The following SOS1 variants were observed in gnomAD, a reference collection of about 807,000 sequenced individuals.
The protein encoded by SOS1 is son of sevenless homolog 1.
Under a neutral mutation model 157.6 loss-of-function variants are expected in SOS1, and 25 were observed. The ratio of observed to expected loss-of-function variants is 0.16; its 90% CI spans 0.12 to 0.22. The LOEUF (loss-of-function observed/expected upper bound fraction) is 0.22, where lower values mean the gene tolerates loss of function less well. SOS1 is among the 10% of genes least tolerant of loss of function. The pLI is 1.00. For synonymous variants in SOS1, 528 were observed against 534.0 expected (o/e 0.99, Z 0.16); for missense variants, 1,237 against 1,599.1 (o/e 0.77, Z 3.86).
chr2:39,012,099 T>G, intron 14 of SOS1, 27 bp downstream of exon 14: 1 of 1,499,746 alleles, frequency 6.7e-7, no homozygotes, highest in Non-Finnish European at 9.3e-7. Flanking sequence ...TGAAATGACT[T>G]TTCAACTTGA....
intron 1 of SOS1, among the ~76,000 whole-genome samples, chr2:39,078,528 G>C (rs1253680025): frequency 1.3e-5 from 2 of 152,146 alleles, no homozygotes; most frequent in African/African-American, 4.8e-5. Context: ...CACAGAGCAG[G>C]TGAGCAGCCT....
chr2:39,059,011 T>C (rs1671310060), intron 2 of SOS1, among the ~76,000 whole-genome samples: 1 of 152,064 alleles, frequency 6.6e-6, no homozygotes, highest in African/African-American at 2.4e-5. Flanking sequence ...AAACATTCTT[T>C]CTATTATCTA....
In SOS1 at chr2:39,072,226, G is replaced by C. The variant is rs79171819; in HGVS notation, c.88-4473C>G. On this transcript the variant is annotated intron_variant, in intron 1 of 22. Transcript: ENST00000402219. ...TTGACTTATAATTACATGTTCCCTT[G>C]TCTGTTTCCTTTTTTGGATAGTGAT... Among the ~76,000 whole-genome samples, 471 of 152,144 alleles carry C rather than the reference G, an allele frequency of 3.1e-3. 2 individuals carry two copies. The highest frequency in any genetic ancestry group is 0.01 in the African/African-American group (428 of 41,502).
In SOS1 at chr2:38,986,153, C is replaced by T; in HGVS notation, c.3673G>A (p.Val1225Ile). The change falls in exon 23 of 23, where the codon GTT (valine) becomes ATT (isoleucine). Residue 1225 changes from valine (V) to isoleucine (I), a missense_variant. Transcript: ENST00000402219. ...PPREPVRTPD[V>I]FSSSPLHLQP... ...AGATGTAGTGGTGAGCTTGAGAAAA[C>T]ATCAGGTGTCCTCACAGGTTCTCGT... The T allele has an allele frequency of 6.2e-7, 1 of 1,613,810 alleles. No homozygotes were observed. The highest frequency in any genetic ancestry group is 8.5e-7 in the Non-Finnish European group (1 of 1,179,876).
chr2:39,049,318 A>G (rs555112019), intron 6 of SOS1, among the ~76,000 whole-genome samples: 1 of 152,234 alleles, frequency 6.6e-6, no homozygotes, highest in East Asian at 1.9e-4. Context: ...TACTAATTTT[A>G]TCCTTGAACT....
intron 1 of SOS1, among the ~76,000 whole-genome samples, chr2:39,118,156 C>T (rs1673724917): frequency 6.6e-6 from 1 of 152,126 alleles, no homozygotes; most frequent in African/African-American, 2.4e-5. Context: ...CAACTCAGCC[C>T]TGATGATTTG....
At chr2:39,106,826 C>T (rs1274281545) in intron 1 of SOS1, among the ~76,000 whole-genome samples, 3 of 152,196 alleles carry the variant, frequency 2.0e-5, no homozygotes, top group African/African-American at 7.2e-5. Context: ...CATGGTTGGA[C>T]TATTCACGAA....
intron 8 of SOS1, among the ~76,000 whole-genome samples, chr2:39,027,746 A>G (rs1670012161): frequency 6.6e-6 from 1 of 152,192 alleles, no homozygotes; most frequent in South Asian, 2.1e-4. Flanking sequence ...AGTTTATTTG[A>G]ATAGTTTTAA....
chr2:38,996,404 T>C (rs1032123048), intron 19 of SOS1, among the ~76,000 whole-genome samples: 6 of 152,194 alleles, frequency 3.9e-5, no homozygotes, highest in Admixed American at 1.3e-4. Context: ...TTTGACTTTT[T>C]TATGAACAAG....
chr2:39,026,729 A>C (rs762586309), intron 8 of SOS1, among the ~76,000 whole-genome samples: 1 of 152,234 alleles, frequency 6.6e-6, no homozygotes, highest in Non-Finnish European at 1.5e-5. Context: ...TTAGTCTTTA[A>C]AGCAGCAGAT....
chr2:39,042,712 ATTTTTT>A (rs200188697), intron 6 of SOS1, among the ~76,000 whole-genome samples: 4 of 132,638 alleles, frequency 3.0e-5, no homozygotes, highest in Admixed American at 7.6e-5. Context: ...TAATTTTATG[ATTTTTT>A]TTTTTTTTTT....
At chr2:39,040,061 G>A (rs1191723595) in intron 6 of SOS1, among the ~76,000 whole-genome samples, 2 of 151,798 alleles carry the variant, frequency 1.3e-5, no homozygotes, top group African/African-American at 4.8e-5. Context: ...GCCCAGGCTG[G>A]AGTGCAGTGG....
At chr2:39,011,585 A>G (rs1669475912) in intron 14 of SOS1, among the ~76,000 whole-genome samples, 1 of 152,160 alleles carries the variant, frequency 6.6e-6, no homozygotes, top group Admixed American at 6.5e-5. Context: ...AAAAGTGAAT[A>G]ATTTAAGATT....
At chr2:39,067,921 C>A (rs1057072545) in intron 1 of SOS1, among the ~76,000 whole-genome samples, 168 bp from the exon 2 acceptor site, 2 of 152,148 alleles carry the variant, frequency 1.3e-5, no homozygotes, top group Non-Finnish European at 2.9e-5. Flanking sequence ...GAGTTTGAGA[C>A]CACCCTGGCC....
chr2:38,987,463 C>T lies in SOS1; in HGVS notation c.3510+10G>A. On this transcript the variant is annotated intron_variant, in intron 22 of 22. Transcript: ENST00000402219. The stretch of plus-strand genomic sequence containing the variant: ...TTCCAATTTCTACACAACAAGATTT[C>T]TTACTTTACCTTAGATGGTGAAGAT... 1 of 1,380,226 alleles carries T rather than the reference C, an allele frequency of 7.2e-7. No individual in the cohort carries two copies. The highest frequency in any genetic ancestry group is 1.0e-6 in the Non-Finnish European group (1 of 971,470). The allele number at this position is 1,380,226 out of a possible 1,614,324, so 85.5% of individuals were successfully genotyped here. A position where few individuals can be genotyped will look rare whatever the true frequency, so the allele number is the denominator to read the frequency against.
chr2:39,114,294 TTTTC>T (rs1179092209), intron 1 of SOS1, among the ~76,000 whole-genome samples: 5 of 150,930 alleles, frequency 3.3e-5, no homozygotes, highest in African/African-American at 1.2e-4. Context: ...CTTTTTGTTC[TTTTC>T]TTTTTTTTTT....
intron 22 of SOS1, 76 bp from the exon 23 acceptor site, chr2:38,986,391 G>T: frequency 7.3e-7 from 1 of 1,363,062 alleles, no homozygotes; most frequent in Non-Finnish European, 1.0e-6. Context: ...ATTAAGTTGG[G>T]GTTTTCAAAC....
At chr2:39,015,058 C>A (rs566903075) in intron 10 of SOS1, among the ~76,000 whole-genome samples, 1 of 152,136 alleles carries the variant, frequency 6.6e-6, no homozygotes, top group South Asian at 2.1e-4. Context: ...TTATTTCTTG[C>A]CCTCTGCACA....
chr2:39,024,552 G>C (rs1669896972), intron 8 of SOS1, among the ~76,000 whole-genome samples: 1 of 151,546 alleles, frequency 6.6e-6, no homozygotes, highest in African/African-American at 2.4e-5. Flanking sequence ...ATATAATATT[G>C]AGATGATAAG....
Sources: allele counts gnomAD v4.1 joint callset (sites outside exome capture counted in the v4.1 genomes callset), GRCh38; gene constraint gnomAD v4.1.1; transcripts MANE v1.5; gene names NCBI Gene and HGNC (gene_info 2026-07-23, HGNC 2026-07-21).